NOL4L: variants seen among roughly 807,000 people sequenced by gnomAD.
The protein encoded by NOL4L is nucleolar protein 4 like.
Under a neutral mutation model 64.5 loss-of-function variants are expected in NOL4L, and 7 were observed. The ratio of observed to expected loss-of-function variants is 0.11; its 90% CI spans 0.06 to 0.20. NOL4L has a LOEUF of 0.20. NOL4L is among the 10% of genes least tolerant of loss of function. NOL4L has a pLI of 1.00. For synonymous variants in NOL4L, 413 were observed against 401.0 expected (o/e 1.03, Z -0.36); for missense variants, 680 against 967.1 (o/e 0.70, Z 3.94).
At chr20:32,569,821 A>C (rs1292111842) in intron 1 of NOL4L, among the ~76,000 whole-genome samples, 5 of 152,196 alleles carry the variant, frequency 3.3e-5, no homozygotes, top group Non-Finnish European at 7.4e-5. Context: ...CTCCTAGCAA[A>C]GAGTAGGTGC....
At chr20:32,567,869 A>G (rs1979521914) in intron 1 of NOL4L, among the ~76,000 whole-genome samples, 2 of 151,522 alleles carry the variant, frequency 1.3e-5, no homozygotes, top group African/African-American at 2.4e-5. Context: ...TCACACCACC[A>G]TTGTCATCAC....
intron 1 of NOL4L, among the ~76,000 whole-genome samples, chr20:32,564,450 G>A (rs1979293883): frequency 6.6e-6 from 1 of 152,258 alleles, no homozygotes; most frequent in South Asian, 2.1e-4. Context: ...GGTAGGACAT[G>A]AAGGAGCCAG....
intron 1 of NOL4L, chr20:32,536,132 C>A (rs2018514038): frequency 1.0e-6 from 1 of 985,546 alleles, no homozygotes; most frequent in African/African-American, 1.7e-5. Flanking sequence ...AAATGATGCA[C>A]AAACAGCACC....
At chr20:32,501,968 C>T (rs763994306) in intron 4 of NOL4L, among the ~76,000 whole-genome samples, 17 of 152,064 alleles carry the variant, frequency 1.1e-4, no homozygotes, top group South Asian at 2.1e-4. Flanking sequence ...AATATGCACA[C>T]AGTCATAATA....
Position 32,536,976 on chromosome 20 carries a change from C to G in NOL4L, c.322-9063G>C, listed in dbSNP as rs936538884. On this transcript the variant is annotated intron_variant, in intron 1 of 10. Transcript: ENST00000621426. ...GCCCGCGCGGGCCCCGCCCACCCCA[C>G]GCGCACCTGCTGCGCGCGCGCCCGC... 1.0e-4 allele frequency: 79 copies of G among 763,444 alleles called. 1 individual carries two copies. The highest frequency in any genetic ancestry group is 1.3e-3 in the Middle Eastern group (2 of 1,536). The allele number at this position is 763,444 out of a possible 1,614,324, so 47.3% of individuals were successfully genotyped here. A position where few individuals can be genotyped will look rare whatever the true frequency, so the allele number is the denominator to read the frequency against.
chr20:32,469,927 C>T (rs2014877455), intron 5 of NOL4L, among the ~76,000 whole-genome samples: 1 of 152,230 alleles, frequency 6.6e-6, no homozygotes, highest in African/African-American at 2.4e-5. Flanking sequence ...AAAGGGCCCT[C>T]AGTGCCTTTG....
intron 1 of NOL4L, chr20:32,535,450 A>G (rs2018489226): frequency 3.6e-6 from 1 of 281,252 alleles, no homozygotes; most frequent in Non-Finnish European, 5.4e-6. Flanking sequence ...CCTCTTCTCC[A>G]CCCTTGTGCA....
At chr20:32,489,086 T>G (rs145781516) in intron 4 of NOL4L, among the ~76,000 whole-genome samples, 1 of 150,080 alleles carries the variant, frequency 6.7e-6, no homozygotes, top group East Asian at 1.9e-4. Flanking sequence ...GACAAGATTT[T>G]TTTAGCCATA....
chr20:32,491,416 C>T (rs1413354677), intron 4 of NOL4L, among the ~76,000 whole-genome samples: 1 of 152,220 alleles, frequency 6.6e-6, no homozygotes. Flanking sequence ...ATCAAGATCC[C>T]TCCACAGACT....
chr20:32,467,704 G>A (rs1343872792), intron 5 of NOL4L, among the ~76,000 whole-genome samples: 2 of 152,182 alleles, frequency 1.3e-5, no homozygotes, highest in African/African-American at 2.4e-5. Context: ...GTCCTCAACC[G>A]CCTGGCAAGG....
At chr20:32,485,057 C>CAAAAAAAAAAAAA (rs2015999293) in intron 4 of NOL4L, among the ~76,000 whole-genome samples, 1 of 18,444 alleles carries the variant, frequency 5.4e-5, no homozygotes. Flanking sequence ...GGGGAAATTG[C>CAAAAAAAAAAAAA]CAAAAAAAAA....
chr20:32,452,820 A>C, intron 9 of NOL4L, 64 bp downstream of exon 9: 6 of 1,601,650 alleles, frequency 3.7e-6, no homozygotes, highest in Non-Finnish European at 4.3e-6. Context: ...GTCCACACCC[A>C]TATAAGGCCT....
chr20:32,450,118 G>GCAC (rs1383408469), intron 10 of NOL4L: 2 of 152,252 alleles, frequency 1.3e-5, no homozygotes, highest in Admixed American at 1.3e-4. Context: ...GTGAGCATGA[G>GCAC]TTACCCAGCA....
intron 1 of NOL4L, among the ~76,000 whole-genome samples, chr20:32,557,861 T>C (rs1219467924): frequency 6.6e-6 from 1 of 152,200 alleles, no homozygotes; most frequent in African/African-American, 2.4e-5. Flanking sequence ...GCTCAGGAGT[T>C]TGAGACCAGC....
chr20:32,571,462 C>T (rs1258856541), intron 1 of NOL4L, among the ~76,000 whole-genome samples: 2 of 152,222 alleles, frequency 1.3e-5, no homozygotes, highest in African/African-American at 2.4e-5. Flanking sequence ...TCACCTCGGC[C>T]TCCCAGAGTG....
rs1394966234 is a variant in NOL4L, at chr20:32,464,049, A to G, written c.842-7654T>C. Among the ~76,000 whole-genome samples the G allele has an allele frequency of 2.7e-5, 4 of 147,684 alleles. No homozygotes were observed. The highest frequency in any genetic ancestry group is 3.0e-5 in the Non-Finnish European group (2 of 66,876). Reference sequence around the variant, plus strand: ...GATGGGAGGGGCATCAATAATTCACACACAACAGGGCGACGGGGGAGGAGG... The same window carrying G: ...GATGGGAGGGGCATCAATAATTCACGCACAACAGGGCGACGGGGGAGGAGG... On this transcript the variant is annotated intron_variant, in intron 5 of 10. Transcript: ENST00000621426. The surrounding 1 kb of genome is among the most constrained non-coding windows in gnomAD (Gnocchi z 5.6).
chr20:32,455,072 AG>A (rs1433445634), intron 6 of NOL4L, among the ~76,000 whole-genome samples: 1 of 152,218 alleles, frequency 6.6e-6, no homozygotes, highest in African/African-American at 2.4e-5. Flanking sequence ...GCCCCAGGCA[AG>A]CCACATTCCC....
intron 1 of NOL4L, among the ~76,000 whole-genome samples, chr20:32,533,032 T>C (rs2018400780): frequency 6.6e-6 from 1 of 152,162 alleles, no homozygotes; most frequent in Admixed American, 6.5e-5. Flanking sequence ...ATGCCTGTAG[T>C]CTCAGCTACT....
intron 4 of NOL4L, chr20:32,475,135 A>C (rs1185812204): frequency 1.7e-5 from 17 of 985,318 alleles, no homozygotes; most frequent in Non-Finnish European, 2.0e-5. Flanking sequence ...CGGCGGCAAG[A>C]AGCGGGCAGC....
Sources: allele counts gnomAD v4.1 joint callset (sites outside exome capture counted in the v4.1 genomes callset), GRCh38; gene constraint gnomAD v4.1.1; non-coding constraint Gnocchi (gnomAD v3.1); transcripts MANE v1.5; gene names NCBI Gene and HGNC (gene_info 2026-07-23, HGNC 2026-07-21).